The following GSE1 variants were observed in gnomAD, a reference collection of about 807,000 sequenced individuals.
GSE1 encodes Gse1 coiled-coil protein, also known as genetic suppressor element 1.
A neutral mutation model predicts 112.6 loss-of-function variants in GSE1; 32 were observed. The observed-to-expected ratio is 0.28, with a 90% CI of 0.21 to 0.38. GSE1 has a LOEUF of 0.38. GSE1 is among the 10% of genes least tolerant of loss of function. GSE1 has a pLI of 1.00. For synonymous variants in GSE1, 1,115 were observed against 735.6 expected, an observed-to-expected ratio of 1.52 and a Z score of -8.35; for missense variants, 2,348 against 1,699.2, an observed-to-expected ratio of 1.38 and a Z score of -6.71.
intron 1 of GSE1, among the ~76,000 whole-genome samples, chr16:85,300,543 A>T (rs142905033): frequency 6.6e-6 from 1 of 152,182 alleles, no homozygotes; most frequent in East Asian, 1.9e-4. Context: ...ACTCACACAC[A>T]CTGCGGCCTT....
At position 85,656,556 on chromosome 16, in the gene GSE1, C is replaced by A; in HGVS notation, c.1203C>A (p.Ala401=). 6.5e-7 allele frequency: 1 copy of A among 1,548,518 alleles called. No individual in the cohort carries two copies. The highest frequency in any genetic ancestry group is 8.7e-7 in the Non-Finnish European group (1 of 1,146,376). The change falls in exon 7 of 16, where the codon GCC becomes GCA. Residue 401 remains alanine, a synonymous_variant. Coordinates refer to ENST00000253458, the MANE Select transcript of GSE1 (RefSeq NM_014615.5). ...QRAREKELLA[A]KALEPSFLPV... is the part of the protein sequence containing the mutation. ...CCCGGGAGAAGGAGCTGCTGGCCGC[C>A]AAGGCCCTGGAGCCCAGCTTCCTGC...
In GSE1 at chr16:85,665,003, C is replaced by G. The variant is rs867724273; in HGVS notation, c.2645-12C>G. 3 of 1,544,040 alleles carry G rather than the reference C, an allele frequency of 1.9e-6. No homozygotes were observed. The highest frequency in any genetic ancestry group is 1.7e-5 in the Admixed American group (1 of 59,872). ...CAACTGGCTCGTTAATCTCAGGCTG[C>G]TTTTCTCATAGACAAAGAGAGACTT... On this transcript the variant is annotated splice_polypyrimidine_tract_variant and intron_variant, in intron 11 of 15. Transcript: ENST00000253458.
At position 85,633,918 on chromosome 16, in the gene GSE1, G is replaced by C; in HGVS notation, c.12G>C (p.Met4Ile). Residue 4 changes from methionine (M) to isoleucine (I), a missense_variant, in exon 2 of 16, where the codon ATG becomes ATC. By Grantham distance (10) the Met-to-Ile change is conservative (BLOSUM62 1). Transcript: ENST00000253458. ...GTTCTTCTTTTCCTGTTTCAGGCAT[G>C]AGCCATGAGCCCAAGTCCCCTTCGC... MKG[M>I]SHEPKSPSLG... 1.9e-5 allele frequency: 30 copies of C among 1,609,110 alleles called. No homozygotes were observed. Among genetic ancestry groups the C allele is most frequent in the Non-Finnish European group, 2.5e-5 (29 of 1,177,950 alleles).
intron 14 of GSE1, 142 bp downstream of exon 14, chr16:85,668,566 G>C (rs764449006): frequency 4.6e-5 from 29 of 637,200 alleles, no homozygotes; most frequent in Non-Finnish European, 5.4e-5. Flanking sequence ...AATACTGGAA[G>C]TTTCTTCCGG....
At chr16:85,617,717 C>T (rs1598401113) in intron 1 of GSE1, among the ~76,000 whole-genome samples, 2 of 151,892 alleles carry the variant, frequency 1.3e-5, no homozygotes, top group South Asian at 2.1e-4. Flanking sequence ...ATGCTTGGCC[C>T]CCCTAATCCA....
At chr16:85,560,644 G>A (rs2045475223) in intron 1 of GSE1, among the ~76,000 whole-genome samples, 1 of 152,066 alleles carries the variant, frequency 6.6e-6, no homozygotes, top group South Asian at 2.1e-4. Flanking sequence ...CCACCTTCCT[G>A]CAAATGGGGC....
chr16:85,519,849 C>G (rs1452810817), intron 2 of GSE1, among the ~76,000 whole-genome samples: 1 of 152,220 alleles, frequency 6.6e-6, no homozygotes, highest in East Asian at 1.9e-4. Flanking sequence ...TGCTCCCCTT[C>G]CTTCCTGAGA....
At chr16:85,301,575 G>A (rs1450580234) in intron 1 of GSE1, among the ~76,000 whole-genome samples, 1 of 152,268 alleles carries the variant, frequency 6.6e-6, no homozygotes, top group Admixed American at 6.5e-5. Flanking sequence ...GCTGGGGCCA[G>A]TGTGGGACTT....
intron 1 of GSE1, among the ~76,000 whole-genome samples, chr16:85,265,096 T>A (rs1341631588): frequency 6.6e-6 from 1 of 152,180 alleles, no homozygotes; most frequent in Non-Finnish European, 1.5e-5. Flanking sequence ...ATCACTGCAA[T>A]GGCGGGGGCC....
At chr16:85,494,735 G>A (rs1159613822) in intron 2 of GSE1, among the ~76,000 whole-genome samples, 1 of 152,180 alleles carries the variant, frequency 6.6e-6, no homozygotes, top group Non-Finnish European at 1.5e-5. Context: ...GATTCTGGGT[G>A]GATATAAATT....
At chr16:85,585,271 A>C (rs1233324815) in intron 1 of GSE1, among the ~76,000 whole-genome samples, 1 of 152,092 alleles carries the variant, frequency 6.6e-6, no homozygotes, top group Admixed American at 6.5e-5. Context: ...GCTTCTACCC[A>C]TTGGTCCCCA....
chr16:85,229,240 G>C (rs542024886), intron 1 of GSE1, among the ~76,000 whole-genome samples: 21 of 152,370 alleles, frequency 1.4e-4, no homozygotes, highest in African/African-American at 3.8e-4. Context: ...TGGCAGCCAT[G>C]TCGGGTTGAG....
At chr16:85,360,865 A>C (rs1013251321) in intron 2 of GSE1, among the ~76,000 whole-genome samples, 1 of 151,790 alleles carries the variant, frequency 6.6e-6, no homozygotes, top group African/African-American at 2.4e-5. Flanking sequence ...ACACACACAC[A>C]CCTGCATAGA....
intron 2 of GSE1, among the ~76,000 whole-genome samples, chr16:85,531,418 G>A (rs1303114624): frequency 1.3e-5 from 2 of 152,174 alleles, no homozygotes; most frequent in Non-Finnish European, 2.9e-5. Context: ...ACAGACTCTC[G>A]TCCATAGATT....
chr16:85,400,731 G>A lies in GSE1; in HGVS notation c.2464+43088G>A, dbSNP rs541231747. Among the ~76,000 whole-genome samples the A allele has an allele frequency of 7.5e-3, 1,134 of 151,302 alleles. 15 individuals are homozygous for A. The highest frequency in any genetic ancestry group is 0.026 in the African/African-American group (1,058 of 41,146). On this transcript the variant is annotated intron_variant, in intron 2 of 2. Transcript: ENST00000637419. ...GTATGTGTCTGTGTCTCTGTGTGGT[G>A]TGTCTCTGTATGTGGTTGTGCACGT...
At chr16:85,668,916 G>C (rs925272035) in intron 14 of GSE1, among the ~76,000 whole-genome samples, 5 of 152,250 alleles carry the variant, frequency 3.3e-5, no homozygotes, top group African/African-American at 1.2e-4. Context: ...TGCCTAAAAA[G>C]ACAGGCTCCT....
chr16:85,434,967 G>A (rs549761605), intron 2 of GSE1, among the ~76,000 whole-genome samples: 23 of 152,362 alleles, frequency 1.5e-4, no homozygotes, highest in African/African-American at 5.5e-4. Context: ...AGGCGGCTTC[G>A]TGGCTGTGCA....
intron 2 of GSE1, among the ~76,000 whole-genome samples, chr16:85,521,484 C>T (rs1179754417): frequency 6.6e-6 from 1 of 152,220 alleles, no homozygotes; most frequent in Non-Finnish European, 1.5e-5. Flanking sequence ...AGCCTGCGGG[C>T]ATCAATAGGC....
At chr16:85,299,929 CT>C (rs1407883079) in intron 1 of GSE1, among the ~76,000 whole-genome samples, 1 of 137,934 alleles carries the variant, frequency 7.2e-6, no homozygotes, top group Non-Finnish European at 1.5e-5. Context: ...GAGTGAGACC[CT>C]GTCTCAAAAA....
Sources: gnomAD v4.1 joint callset for allele counts (sites outside exome capture counted in the v4.1 genomes callset) on GRCh38, gnomAD v4.1.1 for gene constraint, MANE v1.5 for transcripts, NCBI Gene and HGNC (gene_info 2026-07-23, HGNC 2026-07-21) for gene names.